Variants in MACROD2 observed in about 807,000 individuals in gnomAD.
MACROD2 encodes the protein ADP-ribose glycohydrolase MACROD2.
MACROD2 carries 36 observed loss-of-function variants against 70.4 expected under a neutral mutation model. That is an observed-to-expected ratio of 0.51 (90% CI 0.39 to 0.68). MACROD2 has a LOEUF of 0.68. Among genes scored for constraint, MACROD2 ranks in the 30% least tolerant of loss-of-function variants. The pLI, the probability that MACROD2 is intolerant of heterozygous loss-of-function variation, is 0.00. For missense variants in MACROD2, 496 were observed against 538.4 expected (o/e 0.92, Z 0.78); for synonymous variants, 172 against 178.8 (o/e 0.96, Z 0.30).
chr20:15,334,604 A>G (rs993084653), intron 6 of MACROD2, among the ~76,000 whole-genome samples: 5 of 151,594 alleles, frequency 3.3e-5, no homozygotes, highest in Non-Finnish European at 4.4e-5. Flanking sequence ...AAAAAACTGC[A>G]AAGTGCCATT....
chr20:15,798,520 A>G (rs1040021926), intron 8 of MACROD2, among the ~76,000 whole-genome samples: 6 of 152,324 alleles, frequency 3.9e-5, no homozygotes, highest in Non-Finnish European at 7.4e-5. Flanking sequence ...CACGAGCATC[A>G]CTTGCATCTC....
chr20:15,601,160 C>T (rs1365305566), intron 8 of MACROD2, among the ~76,000 whole-genome samples: 1 of 152,220 alleles, frequency 6.6e-6, no homozygotes, highest in African/African-American at 2.4e-5. Context: ...AGCATTCTCA[C>T]TACTGACTCC....
chr20:14,231,772 C>G (rs1291943721), intron 3 of MACROD2, among the ~76,000 whole-genome samples: 2 of 152,204 alleles, frequency 1.3e-5, no homozygotes, highest in African/African-American at 4.8e-5. Context: ...TAAAAGTGTT[C>G]CTGTTTCTCC....
At chr20:14,260,843 A>G (rs989268349) in intron 3 of MACROD2, among the ~76,000 whole-genome samples, 3 of 152,260 alleles carry the variant, frequency 2.0e-5, no homozygotes, top group African/African-American at 7.2e-5. Flanking sequence ...TAAGGAATAC[A>G]TAAGTATAAC....
intron 15 of MACROD2, among the ~76,000 whole-genome samples, chr20:15,998,935 G>C (rs1450061891): frequency 6.6e-6 from 1 of 151,782 alleles, no homozygotes; most frequent in African/African-American, 2.4e-5. Flanking sequence ...CCTCATTTTT[G>C]TTCATCCTTT....
In MACROD2 at chr20:14,230,631, T is replaced by TTA. The variant is rs71190119; in HGVS notation, c.271+144926_271+144927dup. On this transcript the variant is annotated intron_variant, in intron 3 of 17. Transcript: ENST00000684519. The stretch of plus-strand genomic sequence containing the variant: ...ACTTCTTCCAAACTCTCATTCATGT[T>TTA]TATATATATATATATATATATATAA... Among the ~76,000 whole-genome samples the TTA allele has an allele frequency of 2.8e-4, 26 of 94,250 alleles. 3 individuals are homozygous for TTA. The highest frequency in any genetic ancestry group is 1.3e-3 in the East Asian group (3 of 2,258). The allele number at this position is 94,250 out of a possible 152,430, so 61.8% of individuals were successfully genotyped here. A position where few individuals can be genotyped will look rare whatever the true frequency, so the allele number is the denominator to read the frequency against.
intron 4 of MACROD2, among the ~76,000 whole-genome samples, chr20:14,515,465 G>GCGCACA (rs1369248292): frequency 0.09 from 11,377 of 127,022 alleles, 818 homozygotes; most frequent in South Asian, 0.27. Context: ...ACACACACAC[G>GCGCACA]CACACACACA....
intron 6 of MACROD2, among the ~76,000 whole-genome samples, chr20:15,358,405 T>C (rs2078313702): frequency 6.6e-6 from 1 of 152,108 alleles, no homozygotes; most frequent in South Asian, 2.1e-4. Context: ...AGTGACATTC[T>C]AGAATAATCC....
At chr20:15,434,744 A>G (rs2046406994) in intron 7 of MACROD2, among the ~76,000 whole-genome samples, 1 of 152,152 alleles carries the variant, frequency 6.6e-6, no homozygotes, top group Non-Finnish European at 1.5e-5. Context: ...CACAATTCAC[A>G]ATTGCAAAGA....
At chr20:14,984,584 CA>C (rs2074832052) in intron 5 of MACROD2, among the ~76,000 whole-genome samples, 1 of 152,040 alleles carries the variant, frequency 6.6e-6, no homozygotes, top group African/African-American at 2.4e-5. Context: ...GCTAGACGAA[CA>C]GGGGTGGGCA....
At chr20:14,365,043 G>A (rs2083259227) in intron 3 of MACROD2, among the ~76,000 whole-genome samples, 2 of 152,152 alleles carry the variant, frequency 1.3e-5, no homozygotes, top group Admixed American at 1.3e-4. Flanking sequence ...TTAAGGAGTG[G>A]TGTTAATTCA....
chr20:15,823,317 TGTGTC>T (rs2063961412), intron 8 of MACROD2, among the ~76,000 whole-genome samples: 1 of 101,138 alleles, frequency 9.9e-6, no homozygotes, highest in Non-Finnish European at 1.9e-5. Context: ...TGTGTGTGTG[TGTGTC>T]TATAGCTGTC....
At position 15,869,238 on chromosome 20, in the gene MACROD2, T is replaced by TAGAGAGAG. The variant is rs1555788820; in HGVS notation, c.727+6435_727+6442dup. Among the ~76,000 whole-genome samples, 198 of 28,274 alleles carry TAGAGAGAG rather than the reference T, an allele frequency of 7.0e-3. 9 individuals carry two copies. Among genetic ancestry groups the TAGAGAGAG allele is most frequent in the South Asian group, 0.033 (6 of 184 alleles). The allele number at this position is 28,274 out of a possible 152,430, so 18.5% of individuals were successfully genotyped here. The stretch of plus-strand genomic sequence containing the variant: ...ATATATATATATATATATATATATA[T>TAGAGAGAG]AGAGAGAGAGAGAGAGAGAGAGAGA... On this transcript the variant is annotated intron_variant, in intron 9 of 17. Coordinates refer to ENST00000684519, the MANE Select transcript of MACROD2 (RefSeq NM_001351661.2).
intron 6 of MACROD2, among the ~76,000 whole-genome samples, chr20:15,390,478 C>G (rs1011331346): frequency 1.3e-5 from 2 of 152,112 alleles, no homozygotes; most frequent in African/African-American, 4.8e-5. Flanking sequence ...AGAACTGACA[C>G]TTTGTAGCCT....
chr20:15,261,755 G>A (rs939761439), intron 6 of MACROD2, among the ~76,000 whole-genome samples: 1 of 151,942 alleles, frequency 6.6e-6, no homozygotes, highest in African/African-American at 2.4e-5. Flanking sequence ...AGGTTGGGAT[G>A]CAAGTAACTT....
At chr20:14,345,798 A>T (rs2083057848) in intron 3 of MACROD2, among the ~76,000 whole-genome samples, 1 of 151,926 alleles carries the variant, frequency 6.6e-6, no homozygotes, top group African/African-American at 2.4e-5. Context: ...GGAAGGAAAT[A>T]ACTTTAGAAA....
chr20:14,611,118 G>A (rs888990646), intron 4 of MACROD2, among the ~76,000 whole-genome samples: 3 of 152,084 alleles, frequency 2.0e-5, no homozygotes, highest in African/African-American at 7.2e-5. Flanking sequence ...TAAGAATGTG[G>A]TCTATACCTA....
At chr20:14,161,430 G>A (rs191903864) in intron 3 of MACROD2, among the ~76,000 whole-genome samples, 343 of 150,872 alleles carry the variant, frequency 2.3e-3, no homozygotes, top group Admixed American at 6.6e-3. Context: ...CTCATGATCC[G>A]CCCACCCCGT....
intron 4 of MACROD2, among the ~76,000 whole-genome samples, chr20:14,515,516 C>T (rs1371613900): frequency 6.9e-6 from 1 of 143,980 alleles, no homozygotes; most frequent in Non-Finnish European, 1.5e-5. Context: ...TATTATACAC[C>T]CTTAAAAAAG....
Sources: allele counts gnomAD v4.1 joint callset (sites outside exome capture counted in the v4.1 genomes callset), GRCh38; gene constraint gnomAD v4.1.1; transcripts MANE v1.5; gene names NCBI Gene and HGNC (gene_info 2026-07-23, HGNC 2026-07-21).